COL24A1: variants seen among roughly 807,000 people sequenced by gnomAD.
The protein encoded by COL24A1 is collagen type XXIV alpha 1 chain.
COL24A1 carries 224 observed loss-of-function variants against 253.9 expected under a neutral mutation model. The observed-to-expected ratio is 0.88, with a 90% CI of 0.79 to 0.99. The LOEUF is 0.99. Among genes scored for constraint, COL24A1 ranks in the 50% least tolerant of loss-of-function variants. The pLI is 0.00. For missense variants in COL24A1, 2,131 were observed against 2,068.5 expected (o/e 1.03, Z -0.59); for synonymous variants, 685 against 673.7 (o/e 1.02, Z -0.26).
chr1:86,100,211 T>G (rs1257267396), intron 5 of COL24A1, among the ~76,000 whole-genome samples: 1 of 152,184 alleles, frequency 6.6e-6, no homozygotes, highest in East Asian at 1.9e-4. Flanking sequence ...CAGCTATTCT[T>G]CAAAGATTGA....
At chr1:86,047,836 C>G (rs1184006436) in intron 11 of COL24A1, among the ~76,000 whole-genome samples, 1 of 152,052 alleles carries the variant, frequency 6.6e-6, no homozygotes, top group Non-Finnish European at 1.5e-5. Flanking sequence ...AAGCATCTTA[C>G]TTGATACTAT....
chr1:85,831,525 CTA>C (rs1675283733), intron 43 of COL24A1, among the ~76,000 whole-genome samples: 1 of 152,056 alleles, frequency 6.6e-6, no homozygotes, highest in Admixed American at 6.6e-5. Flanking sequence ...TAAAAATTGA[CTA>C]TGACCATTTT....
intron 22 of COL24A1, among the ~76,000 whole-genome samples, chr1:85,965,324 G>A (rs1691457964): frequency 1.3e-5 from 2 of 152,102 alleles, no homozygotes; most frequent in Middle Eastern, 6.8e-3. Context: ...GTATTTTAGT[G>A]AGAATAACAA....
At chr1:85,770,282 T>C (rs1558054570) in intron 53 of COL24A1, among the ~76,000 whole-genome samples, 1 of 148,730 alleles carries the variant, frequency 6.7e-6, no homozygotes, top group African/African-American at 2.5e-5. Flanking sequence ...TTAATTATTC[T>C]GAGTCTCAAG....
At chr1:86,025,425 G>T (rs1457706397) in intron 14 of COL24A1, among the ~76,000 whole-genome samples, 1 of 152,054 alleles carries the variant, frequency 6.6e-6, no homozygotes, top group South Asian at 2.1e-4. Context: ...ATTAATAAGG[G>T]TTCATATGGT....
At chr1:86,067,343 T>C (rs944799876) in intron 7 of COL24A1, among the ~76,000 whole-genome samples, 2 of 152,138 alleles carry the variant, frequency 1.3e-5, no homozygotes, top group East Asian at 1.9e-4. Context: ...AAGATAATTA[T>C]AAGTTAGCCT....
At chr1:86,097,458 T>C (rs915010926) in intron 5 of COL24A1, among the ~76,000 whole-genome samples, 161 of 39,264 alleles carry the variant, frequency 4.1e-3, no homozygotes, top group Non-Finnish European at 5.5e-3. Flanking sequence ...CCCCCTCCTC[T>C]TCCTCCCTCC....
chr1:86,094,517 A>G (rs545612024), intron 5 of COL24A1, among the ~76,000 whole-genome samples: 1 of 152,104 alleles, frequency 6.6e-6, no homozygotes, highest in Admixed American at 6.5e-5. Flanking sequence ...AAAATAACTA[A>G]TGGGAACCAG....
At chr1:86,098,312 G>A (rs905214656) in intron 5 of COL24A1, among the ~76,000 whole-genome samples, 1 of 151,834 alleles carries the variant, frequency 6.6e-6, no homozygotes, top group African/African-American at 2.4e-5. Flanking sequence ...AGACAGAGAA[G>A]CAAGAGAAAG....
chr1:86,156,216 G>C, intron 1 of COL24A1, 125 bp downstream of exon 1: 4 of 774,554 alleles, frequency 5.2e-6, no homozygotes, highest in Non-Finnish European at 8.3e-6. Flanking sequence ...CGGGTACTCG[G>C]CCGCTCCTAA....
At chr1:86,022,135 A>C (rs1162106818) in intron 18 of COL24A1, 105 bp downstream of exon 18, 2 of 991,370 alleles carry the variant, frequency 2.0e-6, no homozygotes, top group Non-Finnish European at 3.2e-6. Flanking sequence ...CTAAGGAGAC[A>C]AATGCTCAGT....
At chr1:86,033,760 G>T (rs1406671224) in intron 13 of COL24A1, 110 bp downstream of exon 13, 2 of 996,288 alleles carry the variant, frequency 2.0e-6, no homozygotes, top group Admixed American at 2.8e-5. Flanking sequence ...TGTGGAGATT[G>T]TTTTTCCAAT....
At position 85,926,526 on chromosome 1, in the gene COL24A1, A is replaced by G. The variant is rs202176737; in HGVS notation, c.2563-15093T>C. Among the ~76,000 whole-genome samples, 53 of 152,308 alleles carry G rather than the reference A, an allele frequency of 3.5e-4. No homozygotes were observed. The East Asian group carries it at 0.01, about 29-fold the overall frequency. Reference sequence around the variant, plus strand: ...GTTCATGTCCTTTGCAGGGACATGGATGAAGCTGGAAACCATCATTCTGAG... The same window carrying G: ...GTTCATGTCCTTTGCAGGGACATGGGTGAAGCTGGAAACCATCATTCTGAG... On this transcript the variant is annotated intron_variant, in intron 24 of 59. Transcript: ENST00000370571.
At chr1:86,051,575 T>C (rs1292412864) in intron 10 of COL24A1, among the ~76,000 whole-genome samples, 4 of 152,072 alleles carry the variant, frequency 2.6e-5, no homozygotes, top group African/African-American at 9.7e-5. Context: ...GAGGTGAGTT[T>C]GGAAAGGGTG....
intron 13 of COL24A1, among the ~76,000 whole-genome samples, chr1:86,033,074 T>A (rs1211422970): frequency 6.6e-6 from 1 of 152,192 alleles, no homozygotes; most frequent in East Asian, 1.9e-4. Flanking sequence ...TTTTATCTGC[T>A]ATGCCTTGTA....
intron 24 of COL24A1, among the ~76,000 whole-genome samples, chr1:85,933,457 ATCT>A (rs1687983140): frequency 6.6e-6 from 1 of 152,168 alleles, no homozygotes; most frequent in South Asian, 2.1e-4. Flanking sequence ...GGCAGGATTA[ATCT>A]TCTCCCAAAG....
intron 1 of COL24A1, among the ~76,000 whole-genome samples, chr1:86,147,710 G>A (rs1344665970): frequency 6.6e-6 from 1 of 152,230 alleles, no homozygotes. Flanking sequence ...AGTGCAGATT[G>A]TACGTGTGCC....
intron 57 of COL24A1, among the ~76,000 whole-genome samples, chr1:85,743,013 C>A (rs1664818614): frequency 6.6e-6 from 1 of 152,074 alleles, no homozygotes; most frequent in African/African-American, 2.4e-5. Flanking sequence ...TGTCAATATC[C>A]TTCTCAGTGG....
At chr1:86,065,515 G>A (rs1701400035) in intron 7 of COL24A1, among the ~76,000 whole-genome samples, 1 of 152,090 alleles carries the variant, frequency 6.6e-6, no homozygotes, top group East Asian at 1.9e-4. Flanking sequence ...GTCATGATCT[G>A]TTTTTTATGA....
Sources: gnomAD v4.1 joint callset for allele counts (sites outside exome capture counted in the v4.1 genomes callset) on GRCh38, gnomAD v4.1.1 for gene constraint, MANE v1.5 for transcripts, NCBI Gene and HGNC (gene_info 2026-07-23, HGNC 2026-07-21) for gene names.